Variants in RSPO1 observed in about 807,000 individuals in gnomAD.
The protein encoded by RSPO1 is R-spondin-1.
Under a neutral mutation model 26.0 loss-of-function variants are expected in RSPO1, and 18 were observed. The ratio of observed to expected loss-of-function variants is 0.69; its 90% CI spans 0.48 to 1.03. The LOEUF is 1.03. Among genes scored for constraint, RSPO1 ranks in the 50% least tolerant of loss-of-function variants. The pLI is 0.00. For synonymous variants in RSPO1, 133 were observed against 137.4 expected, an observed-to-expected ratio of 0.97 and a Z score of 0.22; for missense variants, 309 against 352.3, an observed-to-expected ratio of 0.88 and a Z score of 0.98.
intron 3 of RSPO1, among the ~76,000 whole-genome samples, chr1:37,626,701 G>T (rs991955246): frequency 1.3e-5 from 2 of 152,144 alleles, no homozygotes; most frequent in African/African-American, 2.4e-5. Flanking sequence ...GTGAGAAGAG[G>T]CACAAAGGGG....
At chr1:37,630,600 G>A (rs995260475) in intron 2 of RSPO1, among the ~76,000 whole-genome samples, 2 of 152,234 alleles carry the variant, frequency 1.3e-5, no homozygotes, top group Non-Finnish European at 2.9e-5. Context: ...CAGAGAATGG[G>A]GATAATCCCC....
intron 3 of RSPO1, among the ~76,000 whole-genome samples, chr1:37,626,513 C>T (rs549768259): frequency 6.6e-6 from 1 of 152,320 alleles, no homozygotes; most frequent in South Asian, 2.1e-4. Flanking sequence ...GACATTTTGT[C>T]TTCCCCCACT....
In RSPO1 at chr1:37,616,709, G is replaced by C. The variant is rs45577433; in HGVS notation, c.95-34C>G. 90,565 of 1,595,418 alleles carry C rather than the reference G, an allele frequency of 0.057. 2,909 individuals are homozygous for C. The highest frequency in any genetic ancestry group is 0.067 in the Non-Finnish European group (77,541 of 1,163,496). On this transcript the variant is annotated intron_variant, in intron 3 of 6. Coordinates refer to ENST00000356545, the MANE Select transcript of RSPO1 (RefSeq NM_001242908.2). The stretch of plus-strand genomic sequence containing the variant: ...GTGGAGCAGGCATGAGAAGGCGGCT[G>C]TGGAGAGAACCTCACCTATCCAGAT...
Position 37,616,533 on chromosome 1 carries a change from G to A in RSPO1, c.237C>T (p.Cys79=). ...TGCGGGCGTCGAAGTATCCAGGTGG[G>A]CAGGACGGCAAGCAGACGCCCACCT... ...IRQVGVCLPS[C]PPGYFDARNP... Residue 79 remains cysteine, a synonymous_variant, in exon 4 of 7, where the codon TGC becomes TGT. Transcript: ENST00000356545. 1 of 1,614,194 alleles carries A rather than the reference G, an allele frequency of 6.2e-7. No individual in the cohort carries two copies. Among genetic ancestry groups the A allele is most frequent in the Non-Finnish European group, 8.5e-7 (1 of 1,180,042 alleles).
At chr1:37,621,574 C>G (rs898990826) in intron 3 of RSPO1, among the ~76,000 whole-genome samples, 5 of 151,960 alleles carry the variant, frequency 3.3e-5, no homozygotes, top group African/African-American at 1.2e-4. Flanking sequence ...GTGTAACAGC[C>G]CTTCCCTGGG....
At chr1:37,615,740 A>C (rs1196461397) in intron 4 of RSPO1, among the ~76,000 whole-genome samples, 1 of 152,190 alleles carries the variant, frequency 6.6e-6, no homozygotes, top group Non-Finnish European at 1.5e-5. Context: ...CAGAGAAGGG[A>C]TGGAGATATG....
intron 3 of RSPO1, among the ~76,000 whole-genome samples, chr1:37,622,333 G>A (rs1454179542): frequency 6.6e-6 from 1 of 152,172 alleles, no homozygotes; most frequent in Non-Finnish European, 1.5e-5. Context: ...AGGTCAGGAA[G>A]TAGAGAGAGG....
At chr1:37,614,146 T>A in intron 5 of RSPO1, 38 bp downstream of exon 5, 1 of 1,608,248 alleles carries the variant, frequency 6.2e-7, no homozygotes, top group Non-Finnish European at 8.5e-7. Context: ...CCTTCTGGGG[T>A]CCTGGACCCT....
intron 3 of RSPO1, among the ~76,000 whole-genome samples, chr1:37,623,229 A>G (rs570395364): frequency 8.8e-6 from 1 of 114,052 alleles, no homozygotes; most frequent in Non-Finnish European, 1.8e-5. Context: ...CAGTGAGGGG[A>G]TGGGGGGAGA....
chr1:37,622,502 C>A (rs1644217496), intron 3 of RSPO1, among the ~76,000 whole-genome samples: 1 of 151,666 alleles, frequency 6.6e-6, no homozygotes, highest in Admixed American at 6.6e-5. Flanking sequence ...CAGGGCAAGA[C>A]CCTGACTCAA....
At position 37,634,476 on chromosome 1, in the gene RSPO1, A is replaced by C. The variant is rs896197415; in HGVS notation, c.-356+90T>G. The C allele has an allele frequency of 5.2e-5, 8 of 152,568 alleles. No individual in the cohort carries two copies. The highest frequency in any genetic ancestry group is 7.3e-5 in the Non-Finnish European group (5 of 68,444). The allele number at this position is 152,568 out of a possible 1,614,324, so 9.5% of individuals were successfully genotyped here. ...TGTCTCCCCCCACGCACCCAGCTAG[A>C]ACCAGCCCCGACGGGAGGGCCCGCC... On this transcript the variant is annotated intron_variant, in intron 1 of 6. Transcript: ENST00000356545. This position sits in a 1 kb window ranked among gnomAD's most constrained non-coding sequence, Gnocchi z 4.7.
intron 3 of RSPO1, among the ~76,000 whole-genome samples, chr1:37,628,366 C>T (rs1644309084): frequency 6.6e-6 from 1 of 152,232 alleles, no homozygotes; most frequent in African/African-American, 2.4e-5. Context: ...GGATTTTCAG[C>T]TTCACCAATT....
At chr1:37,615,431 T>A (rs1644096455) in intron 4 of RSPO1, among the ~76,000 whole-genome samples, 1 of 152,198 alleles carries the variant, frequency 6.6e-6, no homozygotes, top group East Asian at 1.9e-4. Context: ...GGGGTTGAGA[T>A]GTGCTCAAGG....
chr1:37,615,191 C>T (rs769356330), intron 4 of RSPO1, among the ~76,000 whole-genome samples: 1 of 152,186 alleles, frequency 6.6e-6, no homozygotes, highest in Non-Finnish European at 1.5e-5. Context: ...CAGGGTCCCA[C>T]CTCTGTCCTC....
At position 37,613,907 on chromosome 1, in the gene RSPO1, A is replaced by T; in HGVS notation, c.437-15T>A. The T allele has an allele frequency of 1.2e-6, 2 of 1,613,612 alleles. No individual in the cohort carries two copies. Among genetic ancestry groups the T allele is most frequent in the Non-Finnish European group, 1.7e-6 (2 of 1,179,680 alleles). On this transcript the variant is annotated splice_polypyrimidine_tract_variant and intron_variant, in intron 5 of 6. Coordinates refer to ENST00000356545, the MANE Select transcript of RSPO1 (RefSeq NM_001242908.2). This position sits in a 1 kb window ranked among gnomAD's most constrained non-coding sequence, Gnocchi z 4.5. ...TTCACATTGCGCTGGCAGGAAGAGAAGGGAAGGGAGAGAAGGACAAGGAGG... is the reference window on the plus strand; with the variant it reads ...TTCACATTGCGCTGGCAGGAAGAGATGGGAAGGGAGAGAAGGACAAGGAGG...
chr1:37,617,624 T>G (rs1030357277), intron 3 of RSPO1, among the ~76,000 whole-genome samples: 3 of 121,908 alleles, frequency 2.5e-5, no homozygotes, highest in African/African-American at 6.3e-5. Flanking sequence ...ATTGTGCCAT[T>G]GCACTCCAGC....
chr1:37,624,321 G>T (rs929780320), intron 3 of RSPO1, among the ~76,000 whole-genome samples: 1 of 152,200 alleles, frequency 6.6e-6, no homozygotes, highest in Non-Finnish European at 1.5e-5. Context: ...GTTATGGGGG[G>T]TGTGCAGGGC....
At chr1:37,626,363 G>C (rs1441425146) in intron 3 of RSPO1, among the ~76,000 whole-genome samples, 1 of 152,096 alleles carries the variant, frequency 6.6e-6, no homozygotes, top group Non-Finnish European at 1.5e-5. Flanking sequence ...GGGCTCTCCA[G>C]AACCCCCTTG....
chr1:37,618,907 C>A (rs1644157711), intron 3 of RSPO1, among the ~76,000 whole-genome samples: 1 of 152,112 alleles, frequency 6.6e-6, no homozygotes, highest in African/African-American at 2.4e-5. Flanking sequence ...GGAACTTGAA[C>A]TTGATCAAGA....
Sources: gnomAD v4.1 joint callset for allele counts (sites outside exome capture counted in the v4.1 genomes callset) on GRCh38, gnomAD v4.1.1 for gene constraint, Gnocchi (gnomAD v3.1) non-coding constraint, MANE v1.5 for transcripts, NCBI Gene and HGNC (gene_info 2026-07-23, HGNC 2026-07-21) for gene names.